Variants in PAPLN observed in about 807,000 individuals in gnomAD.
PAPLN encodes the protein papilin, proteoglycan like sulfated glycoprotein, also known as papilin.
PAPLN carries 146 observed loss-of-function variants against 159.0 expected under a neutral mutation model. That is an observed-to-expected ratio of 0.92 (90% CI 0.80 to 1.05). PAPLN has a LOEUF of 1.05. Among genes scored for constraint, PAPLN ranks in the 50% least tolerant of loss-of-function variants. The pLI is 0.00. For synonymous variants in PAPLN, 734 were observed against 702.9 expected (o/e 1.04, Z -0.70); for missense variants, 1,720 against 1,743.9 (o/e 0.99, Z 0.24).
intron 2 of PAPLN, among the ~76,000 whole-genome samples, chr14:73,241,684 G>T (rs542270546): frequency 2.0e-4 from 30 of 152,330 alleles, no homozygotes; most frequent in African/African-American, 7.0e-4. Flanking sequence ...CAGCTCCACT[G>T]CCTCCCTCTG....
At chr14:73,263,382 C>T in intron 19 of PAPLN, 1 of 568,968 alleles carries the variant, frequency 1.8e-6, no homozygotes, top group Non-Finnish European at 3.1e-6. Flanking sequence ...CCTCTCCCCA[C>T]CCCTTGGGCT....
At position 73,259,565 on chromosome 14, in the gene PAPLN, C is replaced by G. The variant is rs1453309325; in HGVS notation, c.1985+20C>G. On this transcript the variant is annotated intron_variant, in intron 16 of 26. Coordinates refer to ENST00000644200, the MANE Select transcript of PAPLN (RefSeq NM_001365906.3). The stretch of plus-strand genomic sequence containing the variant: ...GAGCAGGTGGGTGCTGGAGACAGGT[C>G]TTCCTCCTCCCCCGTCAAAGAGGGA... 1.3e-6 allele frequency: 2 copies of G among 1,494,692 alleles called. No homozygotes were observed. Among genetic ancestry groups the G allele is most frequent in the African/African-American group, 1.4e-5 (1 of 71,396 alleles). 92.6% of individuals were successfully genotyped at this position (1,494,692 alleles called of 1,614,324 possible).
At chr14:73,267,326 C>T (rs913499734) in intron 25 of PAPLN, among the ~76,000 whole-genome samples, 2 of 152,166 alleles carry the variant, frequency 1.3e-5, no homozygotes, top group African/African-American at 2.4e-5. Flanking sequence ...TTTGTCCATT[C>T]ATTTAGCAGC....
rs748899215 is a variant in PAPLN, at chr14:73,250,933, C to G, written c.492C>G (p.Asp164Glu). The change falls in exon 7 of 27, where the codon GAC (aspartate) becomes GAG (glutamate). Residue 164 changes from aspartate (D) to glutamate (E), a missense_variant. Transcript: ENST00000644200. ...CRVVGCDHEL[D>E]SSKQEDKCLR... is the part of the protein sequence containing the mutation. Reference sequence around the variant, plus strand: ...TTGTCGGCTGTGATCACGAGCTGGACTCGTCCAAGCAGGAGGACAAGTGTC... The same window carrying G: ...TTGTCGGCTGTGATCACGAGCTGGAGTCGTCCAAGCAGGAGGACAAGTGTC... 3 of 1,613,484 alleles carry G rather than the reference C, an allele frequency of 1.9e-6. No homozygotes were observed. Among genetic ancestry groups the G allele is most frequent in the African/African-American group, 1.3e-5 (1 of 74,952 alleles).
At chr14:73,254,044 A>G in intron 12 of PAPLN, 83 bp downstream of exon 12, 7 of 1,437,354 alleles carry the variant, frequency 4.9e-6, no homozygotes, top group Non-Finnish European at 6.5e-6. Flanking sequence ...CTGCTGTGGA[A>G]ACCGAGGTCC....
chr14:73,258,618 TAA>T (rs57126237), intron 14 of PAPLN, among the ~76,000 whole-genome samples: 27 of 75,760 alleles, frequency 3.6e-4, no homozygotes, highest in South Asian at 1.5e-3. Context: ...ACCCTATCTC[TAA>T]AAAAAAAAAA....
chr14:73,250,811 T>C, intron 6 of PAPLN, 96 bp from the exon 7 acceptor site: 1 of 1,421,888 alleles, frequency 7.0e-7, no homozygotes, highest in Non-Finnish European at 9.3e-7. Context: ...CTATCCTGCC[T>C]GGGCTGCGTG....
At chr14:73,246,394 C>A (rs1594783395) in intron 5 of PAPLN, among the ~76,000 whole-genome samples, 1 of 124,208 alleles carries the variant, frequency 8.1e-6, no homozygotes, top group Admixed American at 9.4e-5. Context: ...CTGTACCCGA[C>A]CAATTTTTTT....
intron 1 of PAPLN, among the ~76,000 whole-genome samples, chr14:73,238,468 G>A (rs1229318628): frequency 6.6e-6 from 1 of 152,248 alleles, no homozygotes; most frequent in Admixed American, 6.5e-5. Flanking sequence ...TTCAGACTTC[G>A]GAATGGCAGA....
At chr14:73,237,269 G>A (rs952995051), upstream of PAPLN, among the ~76,000 whole-genome samples, 3 of 152,182 alleles carry the variant, frequency 2.0e-5, no homozygotes, top group East Asian at 5.8e-4. Flanking sequence ...GATTGGAGAG[G>A]TGACTGGCGC....
At position 73,253,892 on chromosome 14, in the gene PAPLN, G is replaced by GA; in HGVS notation, c.1235dup (p.Pro413AlafsTer8). On this transcript the variant is annotated frameshift_variant, in exon 12 of 27. Transcript: ENST00000644200. LOFTEE classifies it high-confidence loss of function. Reference sequence around the variant, plus strand: ...AGGCTGAGTGTGCCGGGCTGCCTGGGAAGCCCCCTGCCATTCAGGCCTGTA... The same window carrying GA: ...AGGCTGAGTGTGCCGGGCTGCCTGGGAAAGCCCCCTGCCATTCAGGCCTGTA... 1 of 1,613,294 alleles carries GA rather than the reference G, an allele frequency of 6.2e-7. No homozygotes were observed. The highest frequency in any genetic ancestry group is 8.5e-7 in the Non-Finnish European group (1 of 1,179,918).
At chr14:73,272,310 G>C (rs1477676307) in intron 26 of PAPLN, 185 bp from the exon 27 acceptor site, 1 of 481,674 alleles carries the variant, frequency 2.1e-6, no homozygotes, top group Non-Finnish European at 3.5e-6. Context: ...CCAAGAAACA[G>C]GTAGAAATCA....
In PAPLN at chr14:73,256,859, G is replaced by T. The variant is rs866036517; in HGVS notation, c.1627+1841G>T. Among the ~76,000 whole-genome samples, 76 of 152,014 alleles carry T rather than the reference G, an allele frequency of 5.0e-4. 1 individual carries two copies. Among genetic ancestry groups the T allele is most frequent in the African/African-American group, 1.8e-3 (75 of 41,426 alleles). On this transcript the variant is annotated intron_variant, in intron 14 of 26. Transcript: ENST00000644200. ...GATCGCAACCCTGTAACTCCAGCCT[G>T]GGTGACAGAGCAAGATTCTATCTCA...
intron 19 of PAPLN, chr14:73,263,104 C>A (rs1174984240): frequency 7.6e-6 from 3 of 395,024 alleles, no homozygotes; most frequent in Non-Finnish European, 1.3e-5. Context: ...CGGGGCCTGT[C>A]TGGCTGGAAA....
chr14:73,246,301 G>T, intron 5 of PAPLN, 126 bp downstream of exon 5: 1 of 850,470 alleles, frequency 1.2e-6, no homozygotes, highest in Non-Finnish European at 1.7e-6. Context: ...TCACTGTGTT[G>T]CCCAGGCTGG....
intron 23 of PAPLN, 27 bp from the exon 24 acceptor site, chr14:73,266,474 A>C (rs1207472408): frequency 6.2e-7 from 1 of 1,611,874 alleles, no homozygotes; most frequent in Non-Finnish European, 8.5e-7. Context: ...CTTGGGCTGG[A>C]GCCAACTGGC....
At chr14:73,241,019 G>C (rs1312753269) in intron 2 of PAPLN, among the ~76,000 whole-genome samples, 1 of 152,062 alleles carries the variant, frequency 6.6e-6, no homozygotes, top group Admixed American at 6.5e-5. Flanking sequence ...AGGTCGGGGG[G>C]GGGATGCCAC....
At chr14:73,242,793 C>T (rs555167679) in intron 2 of PAPLN, 1 of 152,312 alleles carries the variant, frequency 6.6e-6, no homozygotes, top group South Asian at 2.1e-4. Context: ...ATCTGGCAAG[C>T]CCTTCCTTCT....
intron 5 of PAPLN, among the ~76,000 whole-genome samples, chr14:73,248,300 A>G (rs866423279): frequency 3.0e-4 from 45 of 149,140 alleles, no homozygotes; most frequent in African/African-American, 1.1e-3. Context: ...TGTGGGCGTG[A>G]CCCAGTGGGA....
Sources: gnomAD v4.1 joint callset for allele counts (sites outside exome capture counted in the v4.1 genomes callset) on GRCh38, gnomAD v4.1.1 for gene constraint, MANE v1.5 for transcripts, NCBI Gene and HGNC (gene_info 2026-07-23, HGNC 2026-07-21) for gene names.